The following CELF2 variants were observed in gnomAD, a reference collection of about 807,000 sequenced individuals.
The protein encoded by CELF2 is CUGBP Elav-like family member 2, also known as CUG triplet repeat RNA-binding protein 2.
CELF2 carries 8 observed loss-of-function variants against 62.6 expected under a neutral mutation model. That is an observed-to-expected ratio of 0.13 (90% CI 0.07 to 0.23). The LOEUF is 0.23. CELF2 is among the 10% of genes least tolerant of loss of function. CELF2 has a pLI of 1.00. For synonymous variants in CELF2, 258 were observed against 250.0 expected, an observed-to-expected ratio of 1.03 and a Z score of -0.30; for missense variants, 333 against 671.0, an observed-to-expected ratio of 0.50 and a Z score of 5.56.
At position 11,274,941 on chromosome 10, in the gene CELF2, G is replaced by A. The variant is rs1239200894; in HGVS notation, c.778-116G>A. ...AGCTCTGGGGACCTTCAGTCCATCA[G>A]TAGGGAGTAGCAACCAACCCTGGAA... is the stretch of plus-strand genomic sequence containing the variant. On this transcript the variant is annotated intron_variant, in intron 7 of 12. Transcript: ENST00000633077. 1.0e-5 allele frequency: 9 copies of A among 891,398 alleles called. No individual in the cohort carries two copies. In the Admixed American group the frequency reaches 1.0e-4, roughly 10 times the overall value. 55.2% of individuals were successfully genotyped at this position (891,398 alleles called of 1,614,324 possible).
the CELF2 span, among the ~76,000 whole-genome samples, chr10:10,686,329 G>T: frequency 1.4e-5 from 2 of 140,782 alleles, no homozygotes; most frequent in Admixed American, 7.2e-5. Context: ...GGGTGGGGTG[G>T]GTTTTTGTTT....
At chr10:11,166,646 C>T (rs190680601) in intron 2 of CELF2, among the ~76,000 whole-genome samples, 1 of 152,314 alleles carries the variant, frequency 6.6e-6, no homozygotes, top group East Asian at 1.9e-4. Context: ...TTCTTTTGCT[C>T]TGTGCCTTGG....
intron 1 of CELF2, among the ~76,000 whole-genome samples, chr10:11,108,165 G>T (rs2054138393): frequency 7.5e-6 from 1 of 132,610 alleles, no homozygotes; most frequent in African/African-American, 2.9e-5. Context: ...TCCCCCTCAG[G>T]CCATGCAGGG....
At chr10:11,322,437 C>CT (rs1256271521) in intron 11 of CELF2, among the ~76,000 whole-genome samples, 1 of 152,232 alleles carries the variant, frequency 6.6e-6, no homozygotes, top group Non-Finnish European at 1.5e-5. Flanking sequence ...TTCTTCCTTA[C>CT]TTGAAGCTCC....
chr10:10,830,795 C>T (rs888567225), intron 1 of CELF2, among the ~76,000 whole-genome samples: 2 of 152,108 alleles, frequency 1.3e-5, no homozygotes, highest in African/African-American at 2.4e-5. Context: ...CTGCATACTT[C>T]CTGTGTGTTA....
At chr10:10,631,765 C>A in the CELF2 span, among the ~76,000 whole-genome samples, 1 of 152,032 alleles carries the variant, frequency 6.6e-6, no homozygotes, top group Non-Finnish European at 1.5e-5. Flanking sequence ...AGATTCTACT[C>A]ACAATGGAAA....
At chr10:11,099,573 G>C (rs1325944836) in intron 1 of CELF2, among the ~76,000 whole-genome samples, 1 of 152,058 alleles carries the variant, frequency 6.6e-6, no homozygotes, top group African/African-American at 2.4e-5. Flanking sequence ...ATTTCCTTCT[G>C]TTTCCACTTC....
At chr10:11,196,145 A>T (rs1209443211) in intron 2 of CELF2, among the ~76,000 whole-genome samples, 2 of 152,204 alleles carry the variant, frequency 1.3e-5, no homozygotes, top group Non-Finnish European at 2.9e-5. Context: ...TATCATATAA[A>T]TCCCTGAATA....
intron 1 of CELF2, among the ~76,000 whole-genome samples, chr10:11,038,070 TA>T (rs1277293638): frequency 2.0e-5 from 3 of 152,198 alleles, no homozygotes; most frequent in African/African-American, 4.8e-5. Context: ...TGTTAAGTTA[TA>T]AACCAATTGT....
At chr10:11,054,860 G>A (rs576005362) in intron 1 of CELF2, among the ~76,000 whole-genome samples, 5 of 152,040 alleles carry the variant, frequency 3.3e-5, no homozygotes, top group South Asian at 2.1e-4. Flanking sequence ...GATTACAGGC[G>A]GCCGCCACCA....
At chr10:10,754,104 C>A in the CELF2 span, among the ~76,000 whole-genome samples, 1 of 115,968 alleles carries the variant, frequency 8.6e-6, no homozygotes, top group South Asian at 2.9e-4. Flanking sequence ...ACTAGAAAAG[C>A]ATTTGAAATT....
rs2062784846 is a variant in CELF2 at position 11,046,092 on chromosome 10, T to C, written c.74+27929T>C. Among the ~76,000 whole-genome samples the C allele has an allele frequency of 6.6e-6, 1 of 152,212 alleles. No homozygotes were observed. Among genetic ancestry groups the C allele is most frequent in the Non-Finnish European group, 1.5e-5 (1 of 68,050 alleles). On this transcript the variant is annotated intron_variant, in intron 1 of 12. Coordinates refer to ENST00000633077, the MANE Select transcript of CELF2 (RefSeq NM_001326342.2). The surrounding 1 kb of genome is among the most constrained non-coding windows in gnomAD (Gnocchi z 4.6). ...TACAGGGAGACCAGCTGACTTGAGCTGTCTACACCTTCCAGCTCTGTTCTA... is the reference window on the plus strand; with the variant it reads ...TACAGGGAGACCAGCTGACTTGAGCCGTCTACACCTTCCAGCTCTGTTCTA...
In CELF2 at chr10:11,178,805, C is replaced by T. The variant is rs932649427; in HGVS notation, c.271+13123C>T. ...TGTGGCTTTCTCCCCCTGCATTAGC[C>T]GCAGAGCTGAGTGAGTCTATGAAAA... On this transcript the variant is annotated intron_variant, in intron 2 of 12. Transcript: ENST00000633077. The surrounding 1 kb of genome is among the most constrained non-coding windows in gnomAD (Gnocchi z 4.3). 1.3e-5 allele frequency among the ~76,000 whole-genome samples: 2 copies of T among 152,190 alleles called. No individual in the cohort carries two copies. The highest frequency in any genetic ancestry group is 2.4e-5 in the African/African-American group (1 of 41,454).
chr10:11,037,258 C>G (rs572043402), intron 1 of CELF2, among the ~76,000 whole-genome samples: 5 of 152,234 alleles, frequency 3.3e-5, no homozygotes, highest in Non-Finnish European at 7.3e-5. Context: ...AAACCATCAG[C>G]TCTCCTGAGA....
At chr10:11,031,290 A>G (rs991200410) in intron 1 of CELF2, among the ~76,000 whole-genome samples, 3 of 152,154 alleles carry the variant, frequency 2.0e-5, no homozygotes, top group African/African-American at 7.2e-5. Flanking sequence ...ATGAGCCTCT[A>G]TGCAGGATAT....
chr10:11,065,427 A>G (rs2067833016), intron 1 of CELF2, among the ~76,000 whole-genome samples: 1 of 152,196 alleles, frequency 6.6e-6, no homozygotes. Flanking sequence ...TTTGGGAAAG[A>G]GAAGCGTAGA....
chr10:10,998,079 T>A (rs1274111566), intron 2 of CELF2, among the ~76,000 whole-genome samples: 1 of 152,170 alleles, frequency 6.6e-6, no homozygotes, highest in Non-Finnish European at 1.5e-5. Context: ...GTGACTTTGC[T>A]CCTATTCACC....
At chr10:11,041,315 G>A (rs1408875630) in intron 1 of CELF2, among the ~76,000 whole-genome samples, 2 of 152,100 alleles carry the variant, frequency 1.3e-5, no homozygotes, top group Non-Finnish European at 2.9e-5. Flanking sequence ...AAACAGTGGT[G>A]GTATCAAGAT....
At chr10:10,897,637 G>A (rs2062654885) in intron 1 of CELF2, among the ~76,000 whole-genome samples, 3 of 152,162 alleles carry the variant, frequency 2.0e-5, no homozygotes, top group African/African-American at 7.2e-5. Flanking sequence ...TCTCAGCAGA[G>A]GCCAGCAATA....
Sources: allele counts gnomAD v4.1 joint callset (sites outside exome capture counted in the v4.1 genomes callset), GRCh38; gene constraint gnomAD v4.1.1; non-coding constraint Gnocchi (gnomAD v3.1); transcripts MANE v1.5; gene names NCBI Gene and HGNC (gene_info 2026-07-23, HGNC 2026-07-21).